SLC2A13: variants seen among roughly 807,000 people sequenced by gnomAD.
SLC2A13 encodes solute carrier family 2 member 13, also known as proton myo-inositol cotransporter.
SLC2A13 carries 32 observed loss-of-function variants against 64.4 expected under a neutral mutation model. That is an observed-to-expected ratio of 0.50 (90% CI 0.37 to 0.67). The LOEUF is 0.67. Among genes scored for constraint, SLC2A13 ranks in the 30% least tolerant of loss-of-function variants. The pLI is 0.00. For synonymous variants in SLC2A13, 338 were observed against 327.1 expected, an observed-to-expected ratio of 1.03 and a Z score of -0.36; for missense variants, 743 against 829.2, an observed-to-expected ratio of 0.90 and a Z score of 1.28.
At chr12:39,855,624 T>C (rs4296099) in intron 6 of SLC2A13, among the ~76,000 whole-genome samples, 14,463 of 152,294 alleles carry the variant, frequency 0.095, 845 homozygotes, top group Admixed American at 0.15. Flanking sequence ...CCCAGCCTAC[T>C]GCAACTTTCA....
chr12:40,002,110 G>T (rs1306199565), intron 3 of SLC2A13, among the ~76,000 whole-genome samples: 1 of 152,096 alleles, frequency 6.6e-6, no homozygotes, highest in Non-Finnish European at 1.5e-5. Context: ...TAAATAATCA[G>T]GTTTAAGAAA....
rs371621364 is a variant in SLC2A13 at position 39,779,718 on chromosome 12, C to A, written c.1446-14860G>T. Among the ~76,000 whole-genome samples the A allele has an allele frequency of 9.9e-5, 15 of 152,284 alleles. No homozygotes were observed. In the South Asian group the frequency reaches 2.1e-3, roughly 21 times the overall value. ...AAATCTATGTCTATTTAATTTAAAA[C>A]GTGACTGTCTGTGATGGTAAAAGGA... On this transcript the variant is annotated intron_variant, in intron 7 of 9. Transcript: ENST00000280871.
intron 4 of SLC2A13, among the ~76,000 whole-genome samples, chr12:39,944,531 T>G (rs1946102998): frequency 6.6e-6 from 1 of 152,240 alleles, no homozygotes; most frequent in Non-Finnish European, 1.5e-5. Context: ...GCTCCAGTGT[T>G]AGGTGCACAT....
intron 3 of SLC2A13, among the ~76,000 whole-genome samples, chr12:40,005,649 A>T (rs1947401625): frequency 6.6e-6 from 1 of 152,220 alleles, no homozygotes; most frequent in South Asian, 2.1e-4. Context: ...GGTTCTGTGC[A>T]TGAAGCCCAG....
chr12:40,060,114 T>G (rs906931547), intron 1 of SLC2A13, among the ~76,000 whole-genome samples: 2 of 152,084 alleles, frequency 1.3e-5, no homozygotes, highest in Non-Finnish European at 2.9e-5. Context: ...GATGGATGGA[T>G]GGATGGATGG....
chr12:39,988,691 G>GAGGAAGGA lies in SLC2A13; in HGVS notation c.926-37334_926-37327dup, dbSNP rs539712670. ...GGAGGGAGGGAAGAAGGGAGGGAGG[G>GAGGAAGGA]AGGAAGGAAGGAAGGAAGGAAGGAA... On this transcript the variant is annotated intron_variant, in intron 3 of 9. Coordinates refer to ENST00000280871, the MANE Select transcript of SLC2A13 (RefSeq NM_052885.4). Among the ~76,000 whole-genome samples the GAGGAAGGA allele has an allele frequency of 7.6e-3, 606 of 80,030 alleles. 5 individuals carry two copies. Among genetic ancestry groups the GAGGAAGGA allele is most frequent in the South Asian group, 9.1e-3 (14 of 1,532 alleles). The allele number at this position is 80,030 out of a possible 152,430, so 52.5% of individuals were successfully genotyped here.
intron 1 of SLC2A13, among the ~76,000 whole-genome samples, chr12:40,088,805 A>G (rs1938670850): frequency 1.3e-5 from 2 of 152,222 alleles, no homozygotes; most frequent in African/African-American, 2.4e-5. Context: ...ATGTGATAAA[A>G]TGAGTGGGAT....
intron 3 of SLC2A13, among the ~76,000 whole-genome samples, chr12:39,956,016 G>T (rs921024350): frequency 6.6e-6 from 1 of 152,132 alleles, no homozygotes; most frequent in South Asian, 2.1e-4. Context: ...CCAGGAAAAA[G>T]CCAGAAACAC....
chr12:39,915,078 G>C (rs527654051), intron 4 of SLC2A13, among the ~76,000 whole-genome samples: 2 of 151,972 alleles, frequency 1.3e-5, no homozygotes, highest in East Asian at 3.9e-4. Context: ...AAAACCAACA[G>C]AGAAATGACC....
intron 4 of SLC2A13, among the ~76,000 whole-genome samples, chr12:39,940,651 T>G (rs1023062663): frequency 3.9e-5 from 6 of 152,114 alleles, no homozygotes; most frequent in African/African-American, 1.4e-4. Context: ...CTGTGATTTT[T>G]TTTTAGCACA....
chr12:39,883,417 C>T (rs1275213496), intron 4 of SLC2A13, among the ~76,000 whole-genome samples: 1 of 152,144 alleles, frequency 6.6e-6, no homozygotes, highest in African/African-American at 2.4e-5. Context: ...AGCTTTTGAT[C>T]CAAACAATGA....
At chr12:40,061,035 TTA>T (rs1181563699) in intron 1 of SLC2A13, among the ~76,000 whole-genome samples, 1 of 152,106 alleles carries the variant, frequency 6.6e-6, no homozygotes, top group Non-Finnish European at 1.5e-5. Flanking sequence ...TCAGATTTTG[TTA>T]TGTTAAATAT....
chr12:40,008,190 T>C (rs1400991363), intron 3 of SLC2A13, among the ~76,000 whole-genome samples: 1 of 152,124 alleles, frequency 6.6e-6, no homozygotes, highest in Non-Finnish European at 1.5e-5. Flanking sequence ...CATTCTCTTA[T>C]CTGAAATTCT....
intron 3 of SLC2A13, among the ~76,000 whole-genome samples, chr12:39,969,704 T>C (rs1221125008): frequency 1.3e-5 from 2 of 152,238 alleles, no homozygotes; most frequent in Non-Finnish European, 2.9e-5. Context: ...ATATTAGCCC[T>C]TTGTCAGATG....
intron 1 of SLC2A13, among the ~76,000 whole-genome samples, chr12:40,063,915 A>T (rs546191760): frequency 6.6e-6 from 1 of 152,276 alleles, no homozygotes; most frequent in African/African-American, 2.4e-5. Context: ...TTGTATGAGA[A>T]TTCTTCAGTA....
At chr12:39,896,358 GTGTA>G (rs1944877649) in intron 4 of SLC2A13, among the ~76,000 whole-genome samples, 1 of 137,070 alleles carries the variant, frequency 7.3e-6, no homozygotes. Context: ...GTATGTATAT[GTGTA>G]TATATGTATA....
chr12:40,072,573 T>C (rs1023212911), intron 1 of SLC2A13, among the ~76,000 whole-genome samples: 1 of 152,166 alleles, frequency 6.6e-6, no homozygotes, highest in African/African-American at 2.4e-5. Context: ...CACTCTGTTA[T>C]TAGGCACATA....
intron 6 of SLC2A13, among the ~76,000 whole-genome samples, chr12:39,864,257 T>C (rs1465554868): frequency 1.3e-5 from 2 of 152,216 alleles, no homozygotes; most frequent in African/African-American, 4.8e-5. Context: ...ACCATCACTT[T>C]TTACTTCCTG....
chr12:39,947,110 C>T (rs777716912), intron 4 of SLC2A13, among the ~76,000 whole-genome samples: 11 of 152,246 alleles, frequency 7.2e-5, no homozygotes, highest in Admixed American at 5.2e-4. Flanking sequence ...GCTTCTATTA[C>T]TCTGAGTTAA....
Sources: allele counts gnomAD v4.1 joint callset (sites outside exome capture counted in the v4.1 genomes callset), GRCh38; gene constraint gnomAD v4.1.1; transcripts MANE v1.5; gene names NCBI Gene and HGNC (gene_info 2026-07-23, HGNC 2026-07-21).